Variants in CPNE4 observed in about 807,000 individuals in gnomAD.
The protein encoded by CPNE4 is copine-4.
CPNE4 carries 25 observed loss-of-function variants against 67.9 expected under a neutral mutation model. The observed-to-expected ratio is 0.37, with a 90% CI of 0.27 to 0.51. The LOEUF is 0.51. Ranked by LOEUF, CPNE4 falls within the 20% of genes least tolerant of loss-of-function variation. The pLI is 0.93. For missense variants in CPNE4, 464 were observed against 690.8 expected, an observed-to-expected ratio of 0.67 and a Z score of 3.68; for synonymous variants, 242 against 244.9, an observed-to-expected ratio of 0.99 and a Z score of 0.11.
At chr3:131,783,575 T>C (rs192755387) in intron 2 of CPNE4, among the ~76,000 whole-genome samples, 3 of 152,162 alleles carry the variant, frequency 2.0e-5, no homozygotes, top group East Asian at 3.9e-4. Context: ...TTAGTGACTT[T>C]GATTTTTTTT....
At chr3:131,663,061 C>G (rs2080166528) in intron 7 of CPNE4, among the ~76,000 whole-genome samples, 1 of 152,120 alleles carries the variant, frequency 6.6e-6, no homozygotes, top group Non-Finnish European at 1.5e-5. Flanking sequence ...GGAACCAACC[C>G]AAATGCCCAT....
At chr3:131,939,493 G>A (rs752390729) in intron 1 of CPNE4, among the ~76,000 whole-genome samples, 5 of 151,148 alleles carry the variant, frequency 3.3e-5, no homozygotes, top group Admixed American at 6.6e-5. Context: ...TGTATATTCC[G>A]GGAAGTTGGA....
chr3:131,630,002 T>C (rs1000443789), intron 7 of CPNE4, among the ~76,000 whole-genome samples: 2 of 152,104 alleles, frequency 1.3e-5, no homozygotes, highest in African/African-American at 4.8e-5. Context: ...CTTGTGATGA[T>C]ATGAGATGAT....
At chr3:131,737,115 CTTTTTTTTTTTT>C (rs71788145) in intron 2 of CPNE4, among the ~76,000 whole-genome samples, 3 of 49,360 alleles carry the variant, frequency 6.1e-5, no homozygotes, top group East Asian at 8.7e-4. Flanking sequence ...AGTATTGTGT[CTTTTTTTTTTTT>C]TTTTTTTTTT....
At chr3:131,756,627 C>T (rs1449717040) in intron 2 of CPNE4, among the ~76,000 whole-genome samples, 1 of 152,254 alleles carries the variant, frequency 6.6e-6, no homozygotes, top group African/African-American at 2.4e-5. Flanking sequence ...CCAGTGGAGA[C>T]AGCCAACACC....
At chr3:131,833,435 T>G (rs1358387876) in intron 2 of CPNE4, among the ~76,000 whole-genome samples, 2 of 152,174 alleles carry the variant, frequency 1.3e-5, no homozygotes, top group Non-Finnish European at 2.9e-5. Context: ...GATCCATGCC[T>G]GTAATCCCAG....
chr3:131,839,487 T>C (rs1367971446), intron 2 of CPNE4, among the ~76,000 whole-genome samples: 1 of 151,496 alleles, frequency 6.6e-6, no homozygotes, highest in Non-Finnish European at 1.5e-5. Context: ...GTTAATAGTG[T>C]TGATAAACAT....
Position 131,764,759 on chromosome 3 carries a change from T to G in CPNE4, c.181-41134A>C, listed in dbSNP as rs117102456. 1.8e-3 allele frequency among the ~76,000 whole-genome samples: 268 copies of G among 152,228 alleles called. 5 individuals are homozygous for G. In the East Asian group the frequency reaches 0.042, roughly 24 times the overall value. ...AGCAAGAAATATATGACTGAAATAT[T>G]TAATTTGTGTATTTACTGGTAGAAC... On this transcript the variant is annotated intron_variant, in intron 2 of 15. Coordinates refer to ENST00000429747, the MANE Select transcript of CPNE4 (RefSeq NM_130808.3).
Position 131,564,293 on chromosome 3 carries a change from G to A in CPNE4, c.984C>T (p.His328=). The A allele has an allele frequency of 6.2e-7, 1 of 1,612,950 alleles. No individual in the cohort carries two copies. Among genetic ancestry groups the A allele is most frequent in the East Asian group, 2.2e-5 (1 of 44,812 alleles). Residue 328 remains histidine (H), a synonymous_variant, in exon 11 of 16, where the codon CAC becomes CAT. Coordinates refer to ENST00000429747, the MANE Select transcript of CPNE4 (RefSeq NM_130808.3). ...NGDPRNSCSL[H]YIHPYQPNEY... ...CATTGGGTTGGTAAGGGTGGATGTA[G>A]TGCAAGGAACAGCTGTTCCTGGGGT...
chr3:131,842,744 A>G (rs951707846), intron 2 of CPNE4, among the ~76,000 whole-genome samples: 87 of 150,808 alleles, frequency 5.8e-4, no homozygotes, highest in Non-Finnish European at 4.6e-4. Flanking sequence ...AAAAAAAAAA[A>G]AAAAAGAAAA....
At chr3:131,848,956 CAAAAAAAAAAAAAAA>C (rs67407668) in intron 2 of CPNE4, among the ~76,000 whole-genome samples, 2 of 79,636 alleles carry the variant, frequency 2.5e-5, no homozygotes, top group African/African-American at 6.9e-5. Flanking sequence ...GTAGTGATTA[CAAAAAAAAAAAAAAA>C]AAAAAAAAAA....
At chr3:131,875,822 C>G (rs931326433) in intron 2 of CPNE4, among the ~76,000 whole-genome samples, 1 of 123,302 alleles carries the variant, frequency 8.1e-6, no homozygotes, top group African/African-American at 3.2e-5. Context: ...TACCCTAAAA[C>G]TTAAAGTATA....
chr3:131,890,646 C>G (rs1001990632), intron 2 of CPNE4, among the ~76,000 whole-genome samples: 4 of 152,092 alleles, frequency 2.6e-5, no homozygotes, highest in Admixed American at 6.6e-5. Context: ...CCTGTATTCT[C>G]ATGTTCATTG....
At chr3:131,973,404 A>C (rs2072554489) in intron 1 of CPNE4, among the ~76,000 whole-genome samples, 1 of 152,320 alleles carries the variant, frequency 6.6e-6, no homozygotes, top group South Asian at 2.1e-4. Flanking sequence ...ATAATAATAG[A>C]AATATGTGAT....
chr3:131,914,932 C>T (rs772843717), intron 1 of CPNE4, among the ~76,000 whole-genome samples: 4 of 152,102 alleles, frequency 2.6e-5, no homozygotes, highest in Non-Finnish European at 4.4e-5. Flanking sequence ...GCCGAGATTG[C>T]GCCACTGCAC....
intron 1 of CPNE4, among the ~76,000 whole-genome samples, chr3:131,985,180 G>C (rs976404709): frequency 6.6e-6 from 1 of 152,102 alleles, no homozygotes; most frequent in Admixed American, 6.6e-5. Context: ...TCTTTTGTAA[G>C]GGCACTAATC....
intron 9 of CPNE4, 38 bp from the exon 10 acceptor site, chr3:131,575,168 C>A: frequency 6.4e-7 from 1 of 1,565,390 alleles, no homozygotes; most frequent in South Asian, 1.1e-5. Flanking sequence ...TTAATAACAG[C>A]ACAGTCTATT....
intron 1 of CPNE4, among the ~76,000 whole-genome samples, chr3:132,027,001 G>T (rs957094253): frequency 5.3e-5 from 8 of 152,190 alleles, no homozygotes; most frequent in African/African-American, 1.9e-4. Context: ...ACACATATTT[G>T]TCTTTATCAA....
chr3:131,540,958 T>G (rs528151579), intron 15 of CPNE4, among the ~76,000 whole-genome samples: 1 of 152,274 alleles, frequency 6.6e-6, no homozygotes, highest in South Asian at 2.1e-4. Flanking sequence ...AGACCACAGA[T>G]AAGCTTCACG....
Sources: gnomAD v4.1 joint callset for allele counts (sites outside exome capture counted in the v4.1 genomes callset) on GRCh38, gnomAD v4.1.1 for gene constraint, MANE v1.5 for transcripts, NCBI Gene and HGNC (gene_info 2026-07-23, HGNC 2026-07-21) for gene names.